The following CANX variants were observed in gnomAD, a reference collection of about 807,000 sequenced individuals.
CANX encodes epididymis secretory sperm binding protein.
A neutral mutation model predicts 75.7 loss-of-function variants in CANX; 14 were observed. That is an observed-to-expected ratio of 0.19 (90% CI 0.12 to 0.29). The LOEUF (loss-of-function observed/expected upper bound fraction) is 0.29, where lower values mean the gene tolerates loss of function less well. Among genes scored for constraint, CANX ranks in the 10% least tolerant of loss-of-function variants. The pLI, the probability that CANX is intolerant of heterozygous loss-of-function variation, is 1.00. For synonymous variants in CANX, 227 were observed against 236.9 expected (o/e 0.96, Z 0.38); for missense variants, 567 against 713.2 (o/e 0.79, Z 2.34).
chr5:179,725,349 G>A (rs929184984), intron 13 of CANX, among the ~76,000 whole-genome samples: 2 of 152,000 alleles, frequency 1.3e-5, no homozygotes, highest in African/African-American at 2.4e-5. Context: ...TGGGATTACA[G>A]GCGTGAGCCA....
chr5:179,678,676 A>G (rs1016612059), exon 1 of CANX: 12 of 1,535,656 alleles, frequency 7.8e-6, no homozygotes, highest in South Asian at 1.2e-5. Context: ...CGCGCGCCGC[A>G]GCCGTCGGGA....
intron 4 of CANX, among the ~76,000 whole-genome samples, chr5:179,707,557 C>T (rs1051322173): frequency 7.5e-6 from 1 of 134,042 alleles, no homozygotes; most frequent in African/African-American, 2.9e-5. Flanking sequence ...GCACTCCAGC[C>T]TGGGTGACAG....
At chr5:179,685,004 C>G (rs1455811894) in intron 1 of CANX, among the ~76,000 whole-genome samples, 1 of 143,492 alleles carries the variant, frequency 7.0e-6, no homozygotes. Flanking sequence ...TCTTGAACTC[C>G]CGACCTCAAG....
chr5:179,698,768 T>C, upstream of CANX: 1 of 644,904 alleles, frequency 1.6e-6, no homozygotes, highest in South Asian at 1.7e-5. Flanking sequence ...ACTTCCTGCC[T>C]CACTCCCGGC....
At chr5:179,679,495 A>G (rs1775998138) in intron 1 of CANX, among the ~76,000 whole-genome samples, 1 of 152,178 alleles carries the variant, frequency 6.6e-6, no homozygotes, top group Admixed American at 6.6e-5. Context: ...CAGATGAAGG[A>G]CGGGAGGAGG....
intron 1 of CANX, among the ~76,000 whole-genome samples, chr5:179,691,012 C>T (rs1376683192): frequency 6.6e-6 from 1 of 151,884 alleles, no homozygotes; most frequent in Non-Finnish European, 1.5e-5. Flanking sequence ...TGTTTATAGA[C>T]ATTGATATAT....
At position 179,692,212 on chromosome 5, in the gene CANX, C is replaced by G. The variant is rs574190848; in HGVS notation, c.-4+13435C>G. On this transcript the variant is annotated intron_variant, in intron 1 of 14. Transcript: ENST00000681674. ...GCCTCAGCCTCCCAAGTAGCTGGGA[C>G]TACAGGTACGCACCACCATGCCCGG... Among the ~76,000 whole-genome samples the G allele has an allele frequency of 2.1e-3, 316 of 152,012 alleles. 1 individual carries two copies. The highest frequency in any genetic ancestry group is 5.1e-3 in the Admixed American group (78 of 15,230).
rs1778439832 is a variant in CANX at position 179,723,426 on chromosome 5, T to G, written c.1399-234T>G. On this transcript the variant is annotated intron_variant, in intron 11 of 14. Coordinates refer to ENST00000247461, the MANE Select transcript of CANX (RefSeq NM_001746.4). The stretch of plus-strand genomic sequence containing the variant: ...GGATCCTGAGGTTAAGGGAGCCTTT[T>G]GCAGGTGATGTAGAAGCCAGCTTTT... The G allele has an allele frequency of 6.2e-6, 3 of 480,086 alleles. No homozygotes were observed. In the South Asian group the frequency reaches 1.0e-4, roughly 17 times the overall value. 29.7% of individuals were successfully genotyped at this position (480,086 alleles called of 1,614,324 possible).
At chr5:179,715,496 C>G (rs1260771310) in intron 7 of CANX, among the ~76,000 whole-genome samples, 10 of 152,142 alleles carry the variant, frequency 6.6e-5, no homozygotes, top group Admixed American at 6.6e-4. Context: ...CGAGATCACA[C>G]CACTGCACTC....
chr5:179,713,943 T>C (rs1251054375), intron 7 of CANX, among the ~76,000 whole-genome samples: 1 of 152,114 alleles, frequency 6.6e-6, no homozygotes, highest in Non-Finnish European at 1.5e-5. Context: ...GGTAAATGTT[T>C]AAGGTTACAG....
intron 1 of CANX, among the ~76,000 whole-genome samples, chr5:179,703,164 T>C (rs1776882590): frequency 1.3e-5 from 2 of 152,106 alleles, no homozygotes; most frequent in Admixed American, 6.5e-5. Flanking sequence ...CTGCCTGCCT[T>C]GGACTCCCAA....
At position 179,684,924 on chromosome 5, in the gene CANX, G is replaced by GTTTTTT. The variant is rs781629512; in HGVS notation, c.-4+6148_-4+6149insTTTTTT. On this transcript the variant is annotated intron_variant, in intron 1 of 14. Coordinates refer to the CANX transcript ENST00000681674. ...TGTGCCACCACACCTGGCTAATTTT[G>GTTTTTT]TATTTTTTTTTTTTTTTTTTTTTTT... Among the ~76,000 whole-genome samples the GTTTTTT allele has an allele frequency of 7.6e-4, 22 of 28,970 alleles. 2 individuals are homozygous for GTTTTTT. The highest frequency in any genetic ancestry group is 2.0e-3 in the East Asian group (1 of 502). The allele number at this position is 28,970 out of a possible 152,430, so 19.0% of individuals were successfully genotyped here.
chr5:179,707,958 T>C (rs1035132489), intron 4 of CANX, among the ~76,000 whole-genome samples: 4 of 152,152 alleles, frequency 2.6e-5, no homozygotes, highest in Non-Finnish European at 5.9e-5. Flanking sequence ...TGCCTCAGCC[T>C]ACCGAGTAGT....
At chr5:179,695,945 A>G (rs1052730935), upstream of CANX, among the ~76,000 whole-genome samples, 1 of 150,678 alleles carries the variant, frequency 6.6e-6, no homozygotes, top group African/African-American at 2.4e-5. Flanking sequence ...GCCTATTTTT[A>G]TTTTTTTAGA....
chr5:179,718,374 G>A (rs1207657043), intron 8 of CANX, among the ~76,000 whole-genome samples: 4 of 152,006 alleles, frequency 2.6e-5, no homozygotes, highest in Non-Finnish European at 4.4e-5. Flanking sequence ...CTACAAGCGC[G>A]CACTACTACA....
chr5:179,679,353 G>T, intron 1 of CANX: 2 of 1,160,330 alleles, frequency 1.7e-6, no homozygotes, highest in Admixed American at 2.8e-5. Context: ...TAGCCCTGCA[G>T]CTACGGCTGC....
chr5:179,716,346 A>T (rs777112155), intron 8 of CANX, 52 bp downstream of exon 8: 1 of 1,366,384 alleles, frequency 7.3e-7, no homozygotes, highest in Admixed American at 2.0e-5. Context: ...CATATATTCC[A>T]TGTGGCTTGA....
chr5:179,695,796 G>A (rs1220976805), upstream of CANX, among the ~76,000 whole-genome samples: 2 of 151,370 alleles, frequency 1.3e-5, no homozygotes, highest in African/African-American at 4.8e-5. Context: ...GACTACAGGC[G>A]CCCGCCACTG....
intron 11 of CANX, 64 bp from the exon 12 acceptor site, chr5:179,723,596 A>G: frequency 6.3e-7 from 1 of 1,576,078 alleles, no homozygotes; most frequent in South Asian, 1.2e-5. Context: ...CTGCAGAAAA[A>G]CAGCACGGCC....
Sources: allele counts gnomAD v4.1 joint callset (sites outside exome capture counted in the v4.1 genomes callset), GRCh38; gene constraint gnomAD v4.1.1; transcripts MANE v1.5; gene names NCBI Gene and HGNC (gene_info 2026-07-23, HGNC 2026-07-21).